Variants in SLC39A9 observed in about 807,000 individuals in gnomAD.
SLC39A9 encodes solute carrier family 39 member 9, also known as zinc transporter ZIP9.
Under a neutral mutation model 28.4 loss-of-function variants are expected in SLC39A9, and 14 were observed. The ratio of observed to expected loss-of-function variants is 0.49; its 90% CI spans 0.33 to 0.77. The LOEUF (loss-of-function observed/expected upper bound fraction) is 0.77, where lower values mean the gene tolerates loss of function less well. Among genes scored for constraint, SLC39A9 ranks in the 30% least tolerant of loss-of-function variants. The pLI is 0.02. For synonymous variants in SLC39A9, 119 were observed against 149.6 expected (o/e 0.80, Z 1.49); for missense variants, 283 against 381.1 (o/e 0.74, Z 2.14).
intron 3 of SLC39A9, among the ~76,000 whole-genome samples, chr14:69,442,728 C>T (rs1169774060): frequency 6.6e-6 from 1 of 152,126 alleles, no homozygotes; most frequent in Non-Finnish European, 1.5e-5. Flanking sequence ...TGAGATAATA[C>T]ATTTAAATCC....
chr14:69,432,152 G>T (rs190042368), intron 2 of SLC39A9, among the ~76,000 whole-genome samples: 1 of 152,180 alleles, frequency 6.6e-6, no homozygotes, highest in Non-Finnish European at 1.5e-5. Context: ...GCTTTCCACA[G>T]TGACTGAACT....
chr14:69,458,935 T>G lies in SLC39A9; in HGVS notation c.*342T>G. The G allele has an allele frequency of 9.7e-7, 1 of 1,033,000 alleles. No homozygotes were observed. Among genetic ancestry groups the G allele is most frequent in the Non-Finnish European group, 1.2e-6 (1 of 859,320 alleles). 64.0% of individuals were successfully genotyped at this position (1,033,000 alleles called of 1,614,324 possible). A position where few individuals can be genotyped will look rare whatever the true frequency, so the allele number is the denominator to read the frequency against. ...CTTCATACTCACAATGAAATAGTGATTATGAAAATACAGTGTTCTGTAATT... is the reference window on the plus strand; with the variant it reads ...CTTCATACTCACAATGAAATAGTGAGTATGAAAATACAGTGTTCTGTAATT... On this transcript the variant is annotated 3_prime_UTR_variant, in exon 7 of 7. Transcript: ENST00000336643.
chr14:69,458,250 A>G (rs1278977782), intron 6 of SLC39A9, 113 bp from the exon 7 acceptor site: 2 of 1,320,412 alleles, frequency 1.5e-6, no homozygotes, highest in Non-Finnish European at 2.1e-6. Context: ...AGATGTCCCC[A>G]GTGTCCTAGA....
intron 2 of SLC39A9, among the ~76,000 whole-genome samples, chr14:69,431,937 A>G (rs1466152495): frequency 1.3e-5 from 2 of 152,178 alleles, no homozygotes; most frequent in Admixed American, 6.5e-5. Flanking sequence ...TATATGTACC[A>G]CATTTTCTTT....
intron 6 of SLC39A9, among the ~76,000 whole-genome samples, chr14:69,457,119 C>T (rs1223348184): frequency 6.6e-6 from 1 of 151,924 alleles, no homozygotes; most frequent in East Asian, 1.9e-4. Flanking sequence ...CATAGGTCTA[C>T]TTTTTTAACA....
intron 1 of SLC39A9, among the ~76,000 whole-genome samples, chr14:69,415,612 C>G (rs936743223): frequency 2.6e-5 from 4 of 151,884 alleles, no homozygotes; most frequent in African/African-American, 9.7e-5. Context: ...AGTAGCCATT[C>G]TGAATGTATA....
At position 69,440,543 on chromosome 14, in the gene SLC39A9, C is replaced by T. The variant is rs113061422; in HGVS notation, c.206-1526C>T. Among the ~76,000 whole-genome samples the T allele has an allele frequency of 5.0e-3, 767 of 152,128 alleles. 1 individual carries two copies. The highest frequency in any genetic ancestry group is 0.01 in the Middle Eastern group (3 of 294). The stretch of plus-strand genomic sequence containing the variant: ...GAGGTTACTGTAAGCTGAGATTGCA[C>T]CACTGTAGTCTAGTCTGGGTGAAAG... On this transcript the variant is annotated intron_variant, in intron 2 of 6. Coordinates refer to ENST00000336643, the MANE Select transcript of SLC39A9 (RefSeq NM_018375.5).
chr14:69,404,391 A>C (rs1385904702), intron 1 of SLC39A9, among the ~76,000 whole-genome samples: 1 of 152,196 alleles, frequency 6.6e-6, no homozygotes, highest in East Asian at 1.9e-4. Flanking sequence ...ATTAAAATCC[A>C]AATCTCTTCT....
Position 69,460,940 on chromosome 14 carries a change from G to T in SLC39A9, c.*2347G>T, listed in dbSNP as rs992403008. The T allele has an allele frequency of 6.1e-6, 6 of 985,496 alleles. No individual in the cohort carries two copies. The highest frequency in any genetic ancestry group is 1.7e-5 in the African/African-American group (1 of 57,230). The allele number at this position is 985,496 out of a possible 1,614,324, so 61.0% of individuals were successfully genotyped here. A position where few individuals can be genotyped will look rare whatever the true frequency, so the allele number is the denominator to read the frequency against. On this transcript the variant is annotated 3_prime_UTR_variant, in exon 7 of 7. Transcript: ENST00000336643. ...CAGGGAACCAAGCAGCGTGGCACAGGCCTTCTTGACTGGAGGAAGAGCTTG... is the reference window on the plus strand; with the variant it reads ...CAGGGAACCAAGCAGCGTGGCACAGTCCTTCTTGACTGGAGGAAGAGCTTG...
intron 3 of SLC39A9, 65 bp downstream of exon 3, chr14:69,442,331 CA>C (rs1365240998): frequency 2.0e-6 from 3 of 1,470,804 alleles, no homozygotes; most frequent in Non-Finnish European, 2.8e-6. Context: ...TACAAACGAT[CA>C]AATATTTCAG....
chr14:69,435,071 G>A (rs1884677570), intron 2 of SLC39A9, among the ~76,000 whole-genome samples: 1 of 152,192 alleles, frequency 6.6e-6, no homozygotes, highest in South Asian at 2.1e-4. Context: ...CTCTTGTTCT[G>A]TAAATTTCAA....
At chr14:69,410,210 C>T (rs1369467401) in intron 1 of SLC39A9, among the ~76,000 whole-genome samples, 1 of 152,126 alleles carries the variant, frequency 6.6e-6, no homozygotes, top group Non-Finnish European at 1.5e-5. Context: ...AAAGTACTTG[C>T]TTGTTATTAC....
In SLC39A9 at chr14:69,431,559, CT is replaced by C. The variant is rs80208612; in HGVS notation, c.205+7369del. 3.4e-3 allele frequency among the ~76,000 whole-genome samples: 489 copies of C among 142,340 alleles called. 4 individuals carry two copies. The highest frequency in any genetic ancestry group is 0.011 in the African/African-American group (442 of 38,916). The allele number at this position is 142,340 out of a possible 152,430, so 93.4% of individuals were successfully genotyped here. ...GGTTTTTTATGGATTCCCTGTTTCT[CT>C]TTTTTTTTTTTCAACTTTTATTTTA... On this transcript the variant is annotated intron_variant, in intron 2 of 6. Transcript: ENST00000336643.
chr14:69,458,407 C>T lies in SLC39A9; in HGVS notation c.738C>T (p.Ala246=), dbSNP rs1444959703. The T allele has an allele frequency of 6.2e-7, 1 of 1,614,080 alleles. No homozygotes were observed. Among genetic ancestry groups the T allele is most frequent in the East Asian group, 2.2e-5 (1 of 44,904 alleles). ...CAGAGGTGAACGCCACGGGAGTGGC[C>T]ATGCTTTTCTCTGCCGGGACATTTC... The part of the protein sequence containing the change: ...ALSEVNATGV[A]MLFSAGTFLY... Residue 246 remains alanine, a synonymous_variant, in exon 7 of 7, where the codon GCC becomes GCT. Coordinates refer to ENST00000336643, the MANE Select transcript of SLC39A9 (RefSeq NM_018375.5).
At position 69,458,481 on chromosome 14, in the gene SLC39A9, A is replaced by G; in HGVS notation, c.812A>G (p.His271Arg). 8 of 1,614,156 alleles carry G rather than the reference A, an allele frequency of 5.0e-6. No homozygotes were observed. Among genetic ancestry groups the G allele is most frequent in the Non-Finnish European group, 6.8e-6 (8 of 1,180,034 alleles). Residue 271 changes from histidine (H) to arginine (R), a missense_variant, in exon 7 of 7, where the codon CAC (histidine) becomes CGC (arginine). Physicochemically the swap from His to Arg is conservative, Grantham distance 29. Transcript: ENST00000336643. ...CTCCCTGAGGTGGGCGGAATAGGGC[A>G]CAGCCACAAGCCCGATGCCACGGGA... ...HVLPEVGGIG[H>R]SHKPDATGGR...
Position 69,453,316 on chromosome 14 carries a change from T to G in SLC39A9, c.472+7T>G, listed in dbSNP as rs778609303. 6.2e-7 allele frequency: 1 copy of G among 1,613,426 alleles called. No individual in the cohort carries two copies. On this transcript the variant is annotated splice_region_variant and intron_variant, in intron 4 of 6. Transcript: ENST00000336643. ...CTGGTTGTCCATGCTGCAGGTAGGGTTGGATTGCAGTGGAACTTCTTTGTT... is the reference window on the plus strand; with the variant it reads ...CTGGTTGTCCATGCTGCAGGTAGGGGTGGATTGCAGTGGAACTTCTTTGTT...
chr14:69,415,612 C>T (rs936743223), intron 1 of SLC39A9, among the ~76,000 whole-genome samples: 1 of 151,884 alleles, frequency 6.6e-6, no homozygotes, highest in Non-Finnish European at 1.5e-5. Context: ...AGTAGCCATT[C>T]TGAATGTATA....
At chr14:69,403,163 G>C (rs1316800634) in intron 1 of SLC39A9, among the ~76,000 whole-genome samples, 1 of 149,096 alleles carries the variant, frequency 6.7e-6, no homozygotes, top group East Asian at 1.9e-4. Context: ...GCCCTGTTTG[G>C]TAAGGGAGTG....
At chr14:69,453,099 G>A (rs1488526641) in intron 3 of SLC39A9, 142 bp from the exon 4 acceptor site, 2 of 620,052 alleles carry the variant, frequency 3.2e-6, no homozygotes, top group Non-Finnish European at 5.8e-6. Flanking sequence ...CACTTTGGGA[G>A]GGTGAGGCGG....
Sources: allele counts gnomAD v4.1 joint callset (sites outside exome capture counted in the v4.1 genomes callset), GRCh38; gene constraint gnomAD v4.1.1; transcripts MANE v1.5; gene names NCBI Gene and HGNC (gene_info 2026-07-23, HGNC 2026-07-21).